The following PDE8B variants were observed in gnomAD, a reference collection of about 807,000 sequenced individuals.
PDE8B encodes the protein phosphodiesterase 8B.
A neutral mutation model predicts 101.3 loss-of-function variants in PDE8B; 26 were observed. The observed-to-expected ratio is 0.26, with a 90% CI of 0.19 to 0.36. The LOEUF is 0.36. PDE8B is among the 10% of genes least tolerant of loss of function. The pLI is 1.00. For synonymous variants in PDE8B, 424 were observed against 429.3 expected (o/e 0.99, Z 0.15); for missense variants, 810 against 1,163.1 (o/e 0.70, Z 4.42).
chr5:77,372,507 TC>T (rs1785241918), intron 10 of PDE8B, among the ~76,000 whole-genome samples: 1 of 152,236 alleles, frequency 6.6e-6, no homozygotes, highest in Non-Finnish European at 1.5e-5. Context: ...TGTTATCACT[TC>T]CTTAAATGTA....
the PDE8B span, among the ~76,000 whole-genome samples, chr5:77,201,320 C>T: frequency 6.6e-6 from 1 of 152,240 alleles, no homozygotes; most frequent in Non-Finnish European, 1.5e-5. Context: ...TGAAGGCTGA[C>T]ATATCTATCT....
chr5:77,180,632 C>G, the PDE8B span: 53,050 of 242,188 alleles, frequency 0.22, 8,809 homozygotes, highest in East Asian at 0.81. Flanking sequence ...TTTCTTTTCG[C>G]CCTTAGTCCC....
intron 1 of PDE8B, among the ~76,000 whole-genome samples, chr5:77,249,458 T>C (rs1356677331): frequency 6.6e-6 from 1 of 151,646 alleles, no homozygotes; most frequent in East Asian, 2.0e-4. Flanking sequence ...CTGTGTAGAC[T>C]CAGGGAAATA....
At chr5:77,110,655 G>T in the PDE8B span, among the ~76,000 whole-genome samples, 5 of 152,292 alleles carry the variant, frequency 3.3e-5, no homozygotes, top group Middle Eastern at 3.4e-3. Flanking sequence ...CCATGATGCT[G>T]CTCTGAGAGT....
At chr5:77,109,122 G>T in the PDE8B span, among the ~76,000 whole-genome samples, 1 of 152,202 alleles carries the variant, frequency 6.6e-6, no homozygotes, top group Non-Finnish European at 1.5e-5. Flanking sequence ...GATTAATGAT[G>T]CATAGCCATG....
intron 2 of PDE8B, among the ~76,000 whole-genome samples, chr5:77,320,914 T>C (rs1774901216): frequency 6.6e-6 from 1 of 152,094 alleles, no homozygotes. Flanking sequence ...GAAGAGGGAA[T>C]GCATTACTTA....
intron 10 of PDE8B, among the ~76,000 whole-genome samples, chr5:77,390,576 C>T (rs1310994955): frequency 6.6e-6 from 1 of 152,234 alleles, no homozygotes; most frequent in East Asian, 1.9e-4. Context: ...GACTGACTGG[C>T]ATGGGGCATT....
At chr5:77,103,939 G>GA in the PDE8B span, among the ~76,000 whole-genome samples, 1 of 152,172 alleles carries the variant, frequency 6.6e-6, no homozygotes, top group Non-Finnish European at 1.5e-5. Flanking sequence ...TTTTCATTGA[G>GA]AGAGTCATCA....
the PDE8B span, chr5:77,104,925 C>T: frequency 6.6e-6 from 1 of 152,036 alleles, no homozygotes; most frequent in African/African-American, 2.4e-5. Flanking sequence ...TTTTCATAAC[C>T]CTCAAAAGTT....
chr5:77,335,532 G>GGTGTGT (rs35776739), intron 5 of PDE8B, among the ~76,000 whole-genome samples: 23,704 of 145,382 alleles, frequency 0.16, 2,404 homozygotes, highest in Middle Eastern at 0.3. Context: ...GTATATGTGG[G>GGTGTGT]GTGTGTGTGT....
chr5:77,339,977 G>C (rs973459721), intron 6 of PDE8B, among the ~76,000 whole-genome samples: 1 of 152,206 alleles, frequency 6.6e-6, no homozygotes, highest in Non-Finnish European at 1.5e-5. Context: ...CTGTTGAATA[G>C]AAGAATTTAT....
At chr5:77,245,690 G>A (rs560860882) in intron 1 of PDE8B, among the ~76,000 whole-genome samples, 3 of 152,326 alleles carry the variant, frequency 2.0e-5, no homozygotes, top group South Asian at 2.1e-4. Context: ...CAGCAGCCCC[G>A]TGAGATAGAT....
the PDE8B span, among the ~76,000 whole-genome samples, chr5:77,150,301 C>G: frequency 1.3e-5 from 2 of 152,196 alleles, no homozygotes; most frequent in Non-Finnish European, 2.9e-5. Flanking sequence ...CCAGCTCCCC[C>G]ATCCTGCAGG....
chr5:77,225,878 ACACCCCACG>A (rs1326450891), intron 1 of PDE8B, among the ~76,000 whole-genome samples: 1,650 of 102,410 alleles, frequency 0.016, 11 homozygotes, highest in African/African-American at 0.042. Context: ...ACACACACAC[ACACCCCACG>A]CACACATCTC....
chr5:77,422,616 T>C (rs35295164), intron 20 of PDE8B, among the ~76,000 whole-genome samples: 15,732 of 152,252 alleles, frequency 0.1, 879 homozygotes, highest in South Asian at 0.14. Context: ...TTCACTTTAA[T>C]TGTAGCAGTG....
At chr5:77,304,112 T>G (rs986134856) in intron 1 of PDE8B, among the ~76,000 whole-genome samples, 1 of 152,154 alleles carries the variant, frequency 6.6e-6, no homozygotes, top group Non-Finnish European at 1.5e-5. Context: ...CCCAAACTGT[T>G]TTTCAAAGTT....
chr5:77,158,668 C>T, the PDE8B span, among the ~76,000 whole-genome samples: 362 of 152,218 alleles, frequency 2.4e-3, 2 homozygotes, highest in South Asian at 0.012. Flanking sequence ...CACCTGTAGC[C>T]GACTCTTTTC....
chr5:77,391,085 A>G (rs763371729), intron 10 of PDE8B, among the ~76,000 whole-genome samples: 19 of 152,228 alleles, frequency 1.2e-4, no homozygotes, highest in East Asian at 3.9e-4. Context: ...TTCTGTATCT[A>G]TTCTCCCAAT....
At chr5:77,268,669 A>G (rs1762203386) in intron 1 of PDE8B, among the ~76,000 whole-genome samples, 2 of 151,848 alleles carry the variant, frequency 1.3e-5, no homozygotes, top group African/African-American at 4.8e-5. Context: ...AGTTCCATCC[A>G]TGTTGTTGCA....
Sources: gnomAD v4.1 joint callset for allele counts (sites outside exome capture counted in the v4.1 genomes callset) on GRCh38, gnomAD v4.1.1 for gene constraint, MANE v1.5 for transcripts, NCBI Gene and HGNC (gene_info 2026-07-23, HGNC 2026-07-21) for gene names.